Variants in LRFN2 observed in about 807,000 individuals in gnomAD.
LRFN2 encodes leucine rich repeat and fibronectin type III domain containing 2, also known as leucine-rich repeat and fibronectin type-III domain-containing protein 2.
In LRFN2, 18 loss-of-function variants were observed where a neutral mutation model predicts 37.3. The observed-to-expected ratio is 0.48, with a 90% CI of 0.33 to 0.72. The LOEUF is 0.72. Ranked by LOEUF, LRFN2 falls within the 30% of genes least tolerant of loss-of-function variation. The pLI is 0.02. For missense variants in LRFN2, 1,006 were observed against 1,060.7 expected (o/e 0.95, Z 0.72); for synonymous variants, 556 against 466.6 (o/e 1.19, Z -2.47).
At position 40,433,629 on chromosome 6, in the gene LRFN2, A is replaced by T. The variant is rs140526219; in HGVS notation, c.-18-498T>A. Reference sequence around the variant, plus strand: ...GCTGTTTTTTGAGGCATAATTTTACATTCTTAATTGGTTTAGGCTTAGCAT... The same window carrying T: ...GCTGTTTTTTGAGGCATAATTTTACTTTCTTAATTGGTTTAGGCTTAGCAT... On this transcript the variant is annotated intron_variant, in intron 1 of 2. Coordinates refer to ENST00000338305, the MANE Select transcript of LRFN2 (RefSeq NM_020737.3). Among the ~76,000 whole-genome samples the T allele has an allele frequency of 1.6e-3, 251 of 152,332 alleles. 4 individuals carry two copies. The highest frequency in any genetic ancestry group is 0.015 in the Admixed American group (223 of 15,302).
chr6:40,549,662 T>C (rs1033539257), intron 1 of LRFN2, among the ~76,000 whole-genome samples: 8 of 152,176 alleles, frequency 5.3e-5, no homozygotes, highest in Admixed American at 4.6e-4. Context: ...TGAGCAAAGA[T>C]AGGTGGTGGG....
intron 2 of LRFN2, among the ~76,000 whole-genome samples, chr6:40,426,846 A>G (rs1763364318): frequency 6.6e-6 from 1 of 152,216 alleles, no homozygotes; most frequent in African/African-American, 2.4e-5. Context: ...AGACTGTGCC[A>G]TCCCAGATTA....
chr6:40,536,382 C>T (rs563200132), intron 1 of LRFN2, among the ~76,000 whole-genome samples: 20 of 152,358 alleles, frequency 1.3e-4, no homozygotes, highest in African/African-American at 4.6e-4. Context: ...GTCAAAGTCA[C>T]TGCCTTCCTG....
chr6:40,459,258 C>T (rs920136125), intron 1 of LRFN2, among the ~76,000 whole-genome samples: 2 of 152,088 alleles, frequency 1.3e-5, no homozygotes, highest in African/African-American at 4.8e-5. Flanking sequence ...GTTTCTTTAC[C>T]TTGGCCACCA....
chr6:40,435,062 G>T (rs867102818), intron 1 of LRFN2, among the ~76,000 whole-genome samples: 404 of 118,534 alleles, frequency 3.4e-3, no homozygotes, highest in Middle Eastern at 4.2e-3. Flanking sequence ...TAGAGAGAGA[G>T]AGAGAGAGAG....
chr6:40,549,991 G>A (rs1766740397), intron 1 of LRFN2, among the ~76,000 whole-genome samples: 1 of 152,160 alleles, frequency 6.6e-6, no homozygotes. Context: ...CTGAGATTGT[G>A]CCATTGCACT....
intron 1 of LRFN2, among the ~76,000 whole-genome samples, chr6:40,452,920 G>C (rs1339372355): frequency 6.6e-6 from 1 of 152,208 alleles, no homozygotes; most frequent in Admixed American, 6.5e-5. Flanking sequence ...AGAAATTCCA[G>C]CATATCACAC....
intron 1 of LRFN2, among the ~76,000 whole-genome samples, chr6:40,570,631 C>T (rs968484224): frequency 3.9e-5 from 6 of 152,052 alleles, no homozygotes; most frequent in African/African-American, 1.4e-4. Context: ...CACATGGGGC[C>T]GGGGGAAGCT....
chr6:40,500,264 G>T (rs757688645), intron 1 of LRFN2, among the ~76,000 whole-genome samples: 1 of 152,234 alleles, frequency 6.6e-6, no homozygotes, highest in East Asian at 1.9e-4. Context: ...AGGCCCCCTT[G>T]CCCTCTTATT....
intron 1 of LRFN2, among the ~76,000 whole-genome samples, chr6:40,575,089 C>T (rs1226102935): frequency 6.6e-6 from 1 of 152,138 alleles, no homozygotes; most frequent in Non-Finnish European, 1.5e-5. Flanking sequence ...GGAAGGACTC[C>T]TCAGGATGGT....
At chr6:40,444,312 G>A (rs138629034) in intron 1 of LRFN2, among the ~76,000 whole-genome samples, 21 of 152,274 alleles carry the variant, frequency 1.4e-4, no homozygotes, top group Middle Eastern at 3.4e-3. Flanking sequence ...AGAGACAGAC[G>A]AGAGAAATTA....
chr6:40,453,936 C>T (rs558254131), intron 1 of LRFN2, among the ~76,000 whole-genome samples: 6 of 152,282 alleles, frequency 3.9e-5, no homozygotes, highest in Admixed American at 6.5e-5. Flanking sequence ...CTGTCTCTCC[C>T]TGCTTCAGGT....
intron 1 of LRFN2, among the ~76,000 whole-genome samples, chr6:40,559,386 A>G (rs1431957416): frequency 6.6e-6 from 1 of 152,172 alleles, no homozygotes; most frequent in Non-Finnish European, 1.5e-5. Flanking sequence ...GCTGCTATAA[A>G]TTCTGCCTAG....
chr6:40,497,979 G>C (rs1765275206), intron 1 of LRFN2, among the ~76,000 whole-genome samples: 1 of 152,220 alleles, frequency 6.6e-6, no homozygotes, highest in African/African-American at 2.4e-5. Context: ...TGAAGAAGGA[G>C]AGAATCACTT....
chr6:40,531,417 A>G (rs1342302115), intron 1 of LRFN2, among the ~76,000 whole-genome samples: 2 of 152,198 alleles, frequency 1.3e-5, no homozygotes, highest in Non-Finnish European at 2.9e-5. Flanking sequence ...CTGAACGCCC[A>G]GGAACACATC....
At chr6:40,435,088 G>C (rs1353260879) in intron 1 of LRFN2, among the ~76,000 whole-genome samples, 1 of 127,106 alleles carries the variant, frequency 7.9e-6, no homozygotes, top group African/African-American at 3.0e-5. Context: ...GAGAGAGAGA[G>C]AGACAGAGAG....
chr6:40,559,567 C>T (rs541075754), intron 1 of LRFN2, among the ~76,000 whole-genome samples: 76 of 152,006 alleles, frequency 5.0e-4, no homozygotes, highest in Non-Finnish European at 8.8e-4. Flanking sequence ...GAAGAGGGAC[C>T]GAGGGGGCTA....
Position 40,506,679 on chromosome 6 carries a change from C to T in LRFN2, c.-18-73548G>A, listed in dbSNP as rs1422095001. 2.0e-5 allele frequency among the ~76,000 whole-genome samples: 3 copies of T among 152,110 alleles called. No individual in the cohort carries two copies. In the East Asian group the frequency reaches 5.8e-4, roughly 29 times the overall value. On this transcript the variant is annotated intron_variant, in intron 1 of 2. Transcript: ENST00000338305. ...TGCCCCCGTTGTTAAGCCTCACTGT[C>T]CCAGACCTATTGGAAGATGTCTCTT... is the stretch of plus-strand genomic sequence containing the variant.
chr6:40,536,809 T>A lies in LRFN2; in HGVS notation c.-19+50132A>T, dbSNP rs554341942. On this transcript the variant is annotated intron_variant, in intron 1 of 2. Coordinates refer to ENST00000338305, the MANE Select transcript of LRFN2 (RefSeq NM_020737.3). ...CAGAGGGTGTGGAGCCTCCAAGACC[T>A]TGAGCCTTATCTCCTGGCCCCTGGC... Among the ~76,000 whole-genome samples, 8 of 152,280 alleles carry A rather than the reference T, an allele frequency of 5.3e-5. No homozygotes were observed. The East Asian group carries it at 1.5e-3, about 29-fold the overall frequency.
Sources: allele counts gnomAD v4.1 joint callset (sites outside exome capture counted in the v4.1 genomes callset), GRCh38; gene constraint gnomAD v4.1.1; transcripts MANE v1.5; gene names NCBI Gene and HGNC (gene_info 2026-07-23, HGNC 2026-07-21).